The following PTPRT variants were observed in gnomAD, a reference collection of about 807,000 sequenced individuals.
PTPRT encodes receptor-type tyrosine-protein phosphatase T.
In PTPRT, 56 loss-of-function variants were observed where a neutral mutation model predicts 176.8. The ratio of observed to expected loss-of-function variants is 0.32; its 90% confidence interval spans 0.26 to 0.40. PTPRT has a LOEUF of 0.40. Among genes scored for constraint, PTPRT ranks in the 10% least tolerant of loss-of-function variants. The pLI, the probability that PTPRT is intolerant of heterozygous loss-of-function variation, is 1.00. For synonymous variants in PTPRT, 783 were observed against 739.0 expected, an observed-to-expected ratio of 1.06 and a Z score of -0.96; for missense variants, 1,540 against 1,908.2, an observed-to-expected ratio of 0.81 and a Z score of 3.60.
chr20:42,275,816 G>T (rs1426178812), intron 13 of PTPRT, among the ~76,000 whole-genome samples: 1 of 152,098 alleles, frequency 6.6e-6, no homozygotes, highest in Non-Finnish European at 1.5e-5. Context: ...GAGAGCAAAG[G>T]GGGCCACAAG....
At chr20:42,754,138 C>T (rs2076798107) in intron 6 of PTPRT, among the ~76,000 whole-genome samples, 1 of 152,074 alleles carries the variant, frequency 6.6e-6, no homozygotes, top group Non-Finnish European at 1.5e-5. Flanking sequence ...GAATGGCCTG[C>T]AATAACCCCT....
intron 9 of PTPRT, among the ~76,000 whole-genome samples, chr20:42,388,587 C>T (rs1161092759): frequency 2.6e-5 from 4 of 152,176 alleles, no homozygotes; most frequent in African/African-American, 9.7e-5. Context: ...TACCATCTCA[C>T]ACCAGTTAGA....
At chr20:42,835,255 A>AG (rs1195264421) in intron 2 of PTPRT, among the ~76,000 whole-genome samples, 1 of 152,176 alleles carries the variant, frequency 6.6e-6, no homozygotes, top group Non-Finnish European at 1.5e-5. Flanking sequence ...AACACTTTTG[A>AG]GGGGGAGTTG....
chr20:42,222,466 T>G (rs986399390), intron 15 of PTPRT, among the ~76,000 whole-genome samples: 1 of 152,204 alleles, frequency 6.6e-6, no homozygotes, highest in Non-Finnish European at 1.5e-5. Context: ...CTCTCCTTCC[T>G]TCCTTTCACT....
rs140884751 is a variant in PTPRT, at chr20:42,304,852, T to A, written c.2139+10871A>T. On this transcript the variant is annotated intron_variant, in intron 12 of 30. Transcript: ENST00000373187. ...CTTATACAAGGATATATGTGATAAATCACCCTCTTAGTGTCTTTCATGAAA... is the reference window on the plus strand; with the variant it reads ...CTTATACAAGGATATATGTGATAAAACACCCTCTTAGTGTCTTTCATGAAA... Among the ~76,000 whole-genome samples, 24 of 152,300 alleles carry A rather than the reference T, an allele frequency of 1.6e-4. No homozygotes were observed. The East Asian group carries it at 4.6e-3, about 29-fold the overall frequency.
chr20:42,521,492 C>T (rs2145498441), intron 7 of PTPRT, among the ~76,000 whole-genome samples: 1 of 152,220 alleles, frequency 6.6e-6, no homozygotes, highest in South Asian at 2.1e-4. Context: ...TCCAATATTC[C>T]TGCATCTTTA....
intron 1 of PTPRT, among the ~76,000 whole-genome samples, chr20:43,064,726 A>G (rs1987614083): frequency 6.6e-6 from 1 of 152,210 alleles, no homozygotes; most frequent in Non-Finnish European, 1.5e-5. Context: ...GGAAGCCCAC[A>G]TGTCTCAAGC....
chr20:42,675,295 A>G (rs2146053057), intron 7 of PTPRT, among the ~76,000 whole-genome samples: 1 of 152,326 alleles, frequency 6.6e-6, no homozygotes, highest in South Asian at 2.1e-4. Context: ...AGCGTTTCAG[A>G]TTTCAGATTT....
chr20:42,788,164 G>A (rs2145530886), intron 3 of PTPRT, among the ~76,000 whole-genome samples: 1 of 152,010 alleles, frequency 6.6e-6, no homozygotes, highest in Non-Finnish European at 1.5e-5. Flanking sequence ...TTCATTCATA[G>A]GTTCCTGCTG....
chr20:42,117,788 A>G (rs1192807194), intron 21 of PTPRT, among the ~76,000 whole-genome samples: 1 of 152,224 alleles, frequency 6.6e-6, no homozygotes, highest in East Asian at 1.9e-4. Context: ...AAGAGGGAAC[A>G]AGAAAATACT....
intron 9 of PTPRT, among the ~76,000 whole-genome samples, chr20:42,379,257 C>G (rs1452102306): frequency 6.6e-6 from 1 of 152,212 alleles, no homozygotes; most frequent in African/African-American, 2.4e-5. Context: ...GGTCATTACT[C>G]AAGTCCCGGG....
chr20:42,749,801 C>T (rs2076744512), intron 6 of PTPRT, among the ~76,000 whole-genome samples: 1 of 152,180 alleles, frequency 6.6e-6, no homozygotes, highest in African/African-American at 2.4e-5. Context: ...GAGTCAGCTA[C>T]TCCAGGCATT....
the PTPRT span, among the ~76,000 whole-genome samples, chr20:42,058,705 C>G: frequency 2.0e-5 from 3 of 152,194 alleles, no homozygotes; most frequent in Admixed American, 1.3e-4. Context: ...TAGAGGAAAT[C>G]TTTCTCCAAA....
intron 1 of PTPRT, among the ~76,000 whole-genome samples, chr20:43,012,893 C>T (rs1233251138): frequency 1.3e-5 from 2 of 151,984 alleles, no homozygotes; most frequent in Non-Finnish European, 2.9e-5. Flanking sequence ...CCCCAGGGCT[C>T]ACCCACAGGC....
At chr20:42,351,993 G>A (rs1233332070) in intron 10 of PTPRT, 91 bp downstream of exon 10, 2 of 1,248,346 alleles carry the variant, frequency 1.6e-6, no homozygotes, top group Non-Finnish European at 2.3e-6. Flanking sequence ...ATATCACAGG[G>A]TGACAATTCA....
chr20:42,989,303 T>C (rs905216523), intron 1 of PTPRT, among the ~76,000 whole-genome samples: 10 of 152,246 alleles, frequency 6.6e-5, no homozygotes, highest in African/African-American at 2.4e-4. Context: ...CCAATTTCCA[T>C]GGGATAGCAC....
At chr20:42,121,692 ATT>A (rs71193648) in intron 19 of PTPRT, among the ~76,000 whole-genome samples, 16,691 of 78,802 alleles carry the variant, frequency 0.21, 1,526 homozygotes, top group East Asian at 0.55. Flanking sequence ...GAATAAAGAA[ATT>A]TTTTATATAT....
At position 42,950,617 on chromosome 20, in the gene PTPRT, G is replaced by A. The variant is rs564137414; in HGVS notation, c.89-64685C>T. 5.9e-5 allele frequency among the ~76,000 whole-genome samples: 9 copies of A among 152,254 alleles called. No homozygotes were observed. In the South Asian group the frequency reaches 1.0e-3, roughly 18 times the overall value. On this transcript the variant is annotated intron_variant, in intron 1 of 30. Coordinates refer to ENST00000373187, the MANE Select transcript of PTPRT (RefSeq NM_007050.6). Reference sequence around the variant, plus strand: ...TGGGGTGGTAACCAAGATGGTGGACGGAGTCACTACAGAGGAGGCACCACA... The same window carrying A: ...TGGGGTGGTAACCAAGATGGTGGACAGAGTCACTACAGAGGAGGCACCACA...
intron 6 of PTPRT, among the ~76,000 whole-genome samples, chr20:42,741,425 A>G (rs555094699): frequency 8.3e-4 from 127 of 152,190 alleles, no homozygotes; most frequent in African/African-American, 2.9e-3. Context: ...GCTCACTGCA[A>G]CCTCTGGCTC....
Sources: gnomAD v4.1 joint callset for allele counts (sites outside exome capture counted in the v4.1 genomes callset) on GRCh38, gnomAD v4.1.1 for gene constraint, MANE v1.5 for transcripts, NCBI Gene and HGNC (gene_info 2026-07-23, HGNC 2026-07-21) for gene names.